RBMS2: variants seen among roughly 807,000 people sequenced by gnomAD.
RBMS2 encodes RNA-binding motif, single-stranded-interacting protein 2.
Under a neutral mutation model 58.4 loss-of-function variants are expected in RBMS2, and 38 were observed. The observed-to-expected ratio is 0.65, with a 90% confidence interval of 0.50 to 0.85. The LOEUF is 0.85. Ranked by LOEUF, RBMS2 falls within the 40% of genes least tolerant of loss-of-function variation. The pLI, the probability that RBMS2 is intolerant of heterozygous loss-of-function variation, is 0.00. For synonymous variants in RBMS2, 151 were observed against 180.7 expected, an observed-to-expected ratio of 0.84 and a Z score of 1.32; for missense variants, 367 against 503.7, an observed-to-expected ratio of 0.73 and a Z score of 2.60.
intron 1 of RBMS2, among the ~76,000 whole-genome samples, chr12:56,552,525 A>T (rs1299437869): frequency 6.6e-6 from 1 of 152,160 alleles, no homozygotes; most frequent in Non-Finnish European, 1.5e-5. Context: ...AAGCAGAAGG[A>T]AAGCAAGAGA....
At chr12:56,534,723 C>T (rs1259331858) in intron 1 of RBMS2, among the ~76,000 whole-genome samples, 1 of 152,132 alleles carries the variant, frequency 6.6e-6, no homozygotes, top group Non-Finnish European at 1.5e-5. Context: ...CTCACTGCAA[C>T]CTCCGCCTCC....
At chr12:56,563,601 A>C (rs1206542541) in intron 2 of RBMS2, among the ~76,000 whole-genome samples, 1 of 152,154 alleles carries the variant, frequency 6.6e-6, no homozygotes, top group Admixed American at 6.6e-5. Flanking sequence ...GTCCAGCTCA[A>C]AAAATAATAA....
chr12:56,559,230 A>G (rs980750800), intron 1 of RBMS2, among the ~76,000 whole-genome samples: 1 of 149,454 alleles, frequency 6.7e-6, no homozygotes, highest in Non-Finnish European at 1.5e-5. Flanking sequence ...CCCAGGCTGG[A>G]GTGCAGTGGC....
At chr12:56,554,520 A>G (rs1451539219) in intron 1 of RBMS2, among the ~76,000 whole-genome samples, 2 of 152,148 alleles carry the variant, frequency 1.3e-5, no homozygotes, top group Non-Finnish European at 2.9e-5. Context: ...CTTGCTTATA[A>G]ATGGGAGCTG....
At chr12:56,562,724 G>A (rs1880653974) in intron 2 of RBMS2, 141 bp downstream of exon 2, 1 of 945,102 alleles carries the variant, frequency 1.1e-6, no homozygotes, top group African/African-American at 1.6e-5. Context: ...GATTACAGAT[G>A]CATGCCACCA....
intron 1 of RBMS2, among the ~76,000 whole-genome samples, chr12:56,548,977 G>C (rs915153173): frequency 2.6e-5 from 4 of 152,050 alleles, no homozygotes; most frequent in African/African-American, 9.7e-5. Context: ...TGATCGGAGA[G>C]CTTAATTTTC....
chr12:56,576,336 C>T (rs1883126725), intron 5 of RBMS2, among the ~76,000 whole-genome samples: 2 of 152,042 alleles, frequency 1.3e-5, no homozygotes, highest in African/African-American at 4.8e-5. Context: ...GATTCTGTCT[C>T]AAAAACATAA....
rs953936209 is a variant in RBMS2 at position 56,552,750 on chromosome 12, G to C, written c.67-9667G>C. On this transcript the variant is annotated intron_variant, in intron 1 of 13. Coordinates refer to ENST00000262031, the MANE Select transcript of RBMS2 (RefSeq NM_002898.4). ...CCAGCTACTCGGGAGGCTGAGGTGG[G>C]AGGCTTGCTTGAGCCTGGGAGGTCA... is the stretch of plus-strand genomic sequence containing the variant. Among the ~76,000 whole-genome samples the C allele has an allele frequency of 5.3e-5, 8 of 151,918 alleles. No homozygotes were observed. The South Asian group carries it at 8.3e-4, about 16-fold the overall frequency.
At chr12:56,564,922 C>A (rs934527830) in intron 2 of RBMS2, among the ~76,000 whole-genome samples, 13 of 152,116 alleles carry the variant, frequency 8.5e-5, no homozygotes, top group African/African-American at 2.6e-4. Context: ...TGCAGTGAGC[C>A]GAGATCACGC....
At chr12:56,562,631 G>T in intron 2 of RBMS2, 48 bp downstream of exon 2, 2 of 1,566,296 alleles carry the variant, frequency 1.3e-6, no homozygotes, top group South Asian at 2.2e-5. Flanking sequence ...GTATAGATTT[G>T]GTTTTGAGAC....
At chr12:56,569,064 A>T (rs1356430243) in intron 3 of RBMS2, 31 bp downstream of exon 3, 3 of 1,577,326 alleles carry the variant, frequency 1.9e-6, no homozygotes, top group Non-Finnish European at 2.6e-6. Flanking sequence ...GGTGTTGGAG[A>T]GCACCAGTAA....
intron 5 of RBMS2, 143 bp downstream of exon 5, chr12:56,571,998 T>C: frequency 1.0e-6 from 1 of 996,800 alleles, no homozygotes; most frequent in South Asian, 2.6e-5. Flanking sequence ...AAGTCAAAAG[T>C]TCATTTTAGG....
chr12:56,589,722 T>C lies in RBMS2; in HGVS notation c.*589T>C, dbSNP rs1885168669. The C allele has an allele frequency of 6.5e-6, 1 of 153,174 alleles. No homozygotes were observed. The highest frequency in any genetic ancestry group is 1.5e-5 in the Non-Finnish European group (1 of 68,480). The allele number at this position is 153,174 out of a possible 1,614,324, so 9.5% of individuals were successfully genotyped here. ...CTCAGCTCATGCACCCCATCTCCTC[T>C]TCACCCATATTATGCCTTCTTTCTC... On this transcript the variant is annotated 3_prime_UTR_variant, in exon 14 of 14. Transcript: ENST00000262031.
chr12:56,583,660 A>C (rs1319027538), intron 9 of RBMS2, among the ~76,000 whole-genome samples: 1 of 152,166 alleles, frequency 6.6e-6, no homozygotes, highest in Non-Finnish European at 1.5e-5. Context: ...GTCTCAAAAA[A>C]AAAAACAAAA....
chr12:56,534,888 G>A (rs2694915), intron 1 of RBMS2, among the ~76,000 whole-genome samples: 4 of 152,100 alleles, frequency 2.6e-5, no homozygotes, highest in East Asian at 1.9e-4. Flanking sequence ...TGATCCGCCC[G>A]CCTCAGCCTC....
At chr12:56,584,596 T>G (rs1028807764) in intron 9 of RBMS2, among the ~76,000 whole-genome samples, 24 of 151,810 alleles carry the variant, frequency 1.6e-4, no homozygotes, top group African/African-American at 4.6e-4. Context: ...CCATCCAGAC[T>G]AACACAGTGA....
intron 1 of RBMS2, among the ~76,000 whole-genome samples, chr12:56,549,884 G>A (rs748413838): frequency 1.3e-5 from 2 of 151,924 alleles, no homozygotes; most frequent in Non-Finnish European, 2.9e-5. Flanking sequence ...AAAATTAACC[G>A]GGCGTGGTGG....
chr12:56,521,790 T>C, upstream of RBMS2: 1 of 533,800 alleles, frequency 1.9e-6, no homozygotes, highest in Non-Finnish European at 3.3e-6. Context: ...ATTCAGACTC[T>C]GTTAACTTCT....
intron 4 of RBMS2, 55 bp from the exon 5 acceptor site, chr12:56,571,643 G>GGGTGGGAGAGGGATAAGA: frequency 7.1e-7 from 1 of 1,414,750 alleles, no homozygotes; most frequent in East Asian, 2.6e-5. Context: ...GGAGGGCTGA[G>GGGTGGGAGAGGGATAAGA]GGTGGGAGAG....
Sources: gnomAD v4.1 joint callset for allele counts (sites outside exome capture counted in the v4.1 genomes callset) on GRCh38, gnomAD v4.1.1 for gene constraint, MANE v1.5 for transcripts, NCBI Gene and HGNC (gene_info 2026-07-23, HGNC 2026-07-21) for gene names.